Variants in WWOX observed in about 807,000 individuals in gnomAD.
The protein encoded by WWOX is WW domain containing oxidoreductase, also known as WW domain-containing oxidoreductase.
WWOX carries 69 observed loss-of-function variants against 46.2 expected under a neutral mutation model. The observed-to-expected ratio is 1.49, with a 90% confidence interval of 1.23 to 1.82. WWOX has a LOEUF of 1.82. Among genes scored for constraint, WWOX ranks in the 40% most tolerant of loss-of-function variants. The pLI is 0.00. For missense variants in WWOX, 919 were observed against 542.6 expected, an observed-to-expected ratio of 1.69 and a Z score of -6.89; for synonymous variants, 359 against 202.6, an observed-to-expected ratio of 1.77 and a Z score of -6.56.
At chr16:78,424,274 C>A (rs1209491388) in intron 6 of WWOX, among the ~76,000 whole-genome samples, 1 of 151,832 alleles carries the variant, frequency 6.6e-6, no homozygotes, top group African/African-American at 2.4e-5. Context: ...TATACCACCA[C>A]ACCTGGCTAA....
Position 78,109,390 on chromosome 16 carries a change from A to C in WWOX, c.173-388A>C, listed in dbSNP as rs147756846. ...CCAGCTGAAGAATCAACATGTGCAC[A>C]TGAAAAAAAATGGCCGTGCCCTCTA... On this transcript the variant is annotated intron_variant, in intron 2 of 8. Coordinates refer to ENST00000566780, the MANE Select transcript of WWOX (RefSeq NM_016373.4). Among the ~76,000 whole-genome samples, 812 of 152,174 alleles carry C rather than the reference A, an allele frequency of 5.3e-3. 9 individuals are homozygous for C. The highest frequency in any genetic ancestry group is 0.019 in the African/African-American group (786 of 41,518).
intron 5 of WWOX, among the ~76,000 whole-genome samples, chr16:78,182,302 G>C (rs1448379325): frequency 6.6e-6 from 1 of 152,128 alleles, no homozygotes; most frequent in Non-Finnish European, 1.5e-5. Context: ...TGCTGGCAAA[G>C]AAAAGAAAAG....
intron 8 of WWOX, among the ~76,000 whole-genome samples, chr16:78,950,531 CAT>C (rs1444715846): frequency 2.9e-3 from 229 of 78,606 alleles, no homozygotes; most frequent in Middle Eastern, 8.8e-3. Context: ...CACACACACA[CAT>C]ACACACACAC....
intron 8 of WWOX, among the ~76,000 whole-genome samples, chr16:78,775,921 G>C (rs1444428151): frequency 6.6e-6 from 1 of 152,144 alleles, no homozygotes; most frequent in Non-Finnish European, 1.5e-5. Flanking sequence ...TCAAAGACAA[G>C]GTCAGTCAGT....
At chr16:78,896,342 G>C (rs993263659) in intron 8 of WWOX, 1 of 152,108 alleles carries the variant, frequency 6.6e-6, no homozygotes, top group Non-Finnish European at 1.5e-5. Context: ...AAACCACTTG[G>C]TGTTTACAAA....
chr16:78,498,255 A>T lies in WWOX; in HGVS notation c.1056+65503A>T, dbSNP rs2084969059. Among the ~76,000 whole-genome samples, 4 of 151,878 alleles carry T rather than the reference A, an allele frequency of 2.6e-5. No homozygotes were observed. The South Asian group carries it at 8.4e-4, about 32-fold the overall frequency. On this transcript the variant is annotated intron_variant, in intron 8 of 8. Coordinates refer to ENST00000566780, the MANE Select transcript of WWOX (RefSeq NM_016373.4). ...ATCAGGGTTGTCACCATGAAGCAGG[A>T]GGAGAAAAATAATGCTGTTAGACTT... is the stretch of plus-strand genomic sequence containing the variant.
chr16:78,395,217 G>T (rs1349277452), intron 6 of WWOX, among the ~76,000 whole-genome samples: 1 of 152,146 alleles, frequency 6.6e-6, no homozygotes, highest in African/African-American at 2.4e-5. Context: ...TCTCATAAGG[G>T]CTTTCACAAT....
At chr16:78,994,558 G>A (rs2046950287) in intron 8 of WWOX, among the ~76,000 whole-genome samples, 1 of 152,190 alleles carries the variant, frequency 6.6e-6, no homozygotes, top group Admixed American at 6.5e-5. Flanking sequence ...TTTCAGAAAT[G>A]AATGTGAAGA....
chr16:78,652,384 G>T (rs2161721), intron 8 of WWOX, among the ~76,000 whole-genome samples: 2 of 145,488 alleles, frequency 1.4e-5, no homozygotes, highest in Non-Finnish European at 3.0e-5. Context: ...ACTCCAGCCT[G>T]GGTGACAGAG....
chr16:78,642,382 C>A (rs180944603), intron 8 of WWOX, among the ~76,000 whole-genome samples: 244 of 152,274 alleles, frequency 1.6e-3, no homozygotes, highest in Admixed American at 2.8e-3. Flanking sequence ...TGCTGACTTT[C>A]CTTTTTTGCT....
rs569029622 is a variant in WWOX at position 78,626,960 on chromosome 16, A to G, written c.1056+194208A>G. ...TGGCTCCTGTGTTCTTGTGATGTACACACATCATGGTGTGGTGTGTTTTTA... is the reference window on the plus strand; with the variant it reads ...TGGCTCCTGTGTTCTTGTGATGTACGCACATCATGGTGTGGTGTGTTTTTA... On this transcript the variant is annotated intron_variant, in intron 8 of 8. Transcript: ENST00000566780. 1.6e-4 allele frequency among the ~76,000 whole-genome samples: 25 copies of G among 152,202 alleles called. No individual in the cohort carries two copies. The East Asian group carries it at 4.6e-3, about 28-fold the overall frequency.
At chr16:78,446,817 C>T (rs572120291) in intron 8 of WWOX, among the ~76,000 whole-genome samples, 1 of 151,838 alleles carries the variant, frequency 6.6e-6, no homozygotes, top group South Asian at 2.1e-4. Context: ...TGTGCTACTA[C>T]CCCCGGCAAA....
intron 8 of WWOX, among the ~76,000 whole-genome samples, chr16:78,641,558 C>T (rs566443715): frequency 3.9e-5 from 6 of 152,248 alleles, no homozygotes; most frequent in Non-Finnish European, 7.4e-5. Flanking sequence ...CTCATTCATT[C>T]TGCTGGCCCT....
chr16:78,887,384 C>T (rs2044487432), intron 8 of WWOX, among the ~76,000 whole-genome samples: 1 of 151,526 alleles, frequency 6.6e-6, no homozygotes, highest in African/African-American at 2.4e-5. Context: ...TTATTCAGTG[C>T]ATTCGCTTCC....
At chr16:78,627,773 A>T (rs1331159331) in intron 8 of WWOX, among the ~76,000 whole-genome samples, 1 of 152,362 alleles carries the variant, frequency 6.6e-6, no homozygotes, top group African/African-American at 2.4e-5. Flanking sequence ...TTGACTAGAC[A>T]AAAGGTGCAG....
intron 8 of WWOX, among the ~76,000 whole-genome samples, chr16:78,638,390 G>A (rs186332291): frequency 5.3e-5 from 8 of 152,092 alleles, no homozygotes; most frequent in Admixed American, 1.3e-4. Context: ...CCTCTGGCTG[G>A]GTCTGCCTTT....
At chr16:78,195,304 G>A (rs188885737) in intron 5 of WWOX, among the ~76,000 whole-genome samples, 119 of 152,242 alleles carry the variant, frequency 7.8e-4, no homozygotes, top group African/African-American at 2.8e-3. Context: ...CCTCCACCTG[G>A]CAGTTCTACC....
At chr16:78,502,314 A>G (rs757222406) in intron 8 of WWOX, among the ~76,000 whole-genome samples, 3 of 152,174 alleles carry the variant, frequency 2.0e-5, no homozygotes, top group African/African-American at 2.4e-5. Flanking sequence ...ACCCAAGAAA[A>G]TGACCCCTTA....
intron 8 of WWOX, among the ~76,000 whole-genome samples, chr16:78,719,171 C>T (rs1028193309): frequency 6.6e-6 from 1 of 152,152 alleles, no homozygotes; most frequent in African/African-American, 2.4e-5. Flanking sequence ...CTTCCCAAAG[C>T]CTGTTTTCTT....
Sources: gnomAD v4.1 joint callset for allele counts (sites outside exome capture counted in the v4.1 genomes callset) on GRCh38, gnomAD v4.1.1 for gene constraint, MANE v1.5 for transcripts, NCBI Gene and HGNC (gene_info 2026-07-23, HGNC 2026-07-21) for gene names.